TENT4B: variants seen among roughly 807,000 people sequenced by gnomAD.
TENT4B encodes terminal nucleotidyltransferase 4B.
TENT4B carries 10 observed loss-of-function variants against 75.0 expected under a neutral mutation model. The ratio of observed to expected loss-of-function variants is 0.13; its 90% CI spans 0.08 to 0.23. The LOEUF (loss-of-function observed/expected upper bound fraction) is 0.23. Among genes scored for constraint, TENT4B ranks in the 10% least tolerant of loss-of-function variants. The probability of loss-of-function intolerance (pLI) is 1.00; values close to 1 mark genes in which losing one functional copy is unlikely to be tolerated. For synonymous variants in TENT4B, 350 were observed against 357.7 expected (o/e 0.98, Z 0.24); for missense variants, 579 against 893.8 (o/e 0.65, Z 4.49).
chr16:50,159,097 T>A (rs146745345), intron 1 of TENT4B, among the ~76,000 whole-genome samples: 13 of 152,290 alleles, frequency 8.5e-5, no homozygotes, highest in South Asian at 4.1e-4. Flanking sequence ...AGTATCCTCT[T>A]GTATGTGCCA....
rs2032328250 is a variant in TENT4B, at chr16:50,232,542, AT to A, written c.*3215del. The A allele has an allele frequency of 1.0e-6, 1 of 985,036 alleles. No individual in the cohort carries two copies. Among genetic ancestry groups the A allele is most frequent in the Admixed American group, 6.2e-5 (1 of 16,242 alleles). 61.0% of individuals were successfully genotyped at this position (985,036 alleles called of 1,614,324 possible). On this transcript the variant is annotated 3_prime_UTR_variant, in exon 12 of 12. Coordinates refer to ENST00000561678, the MANE Select transcript of TENT4B (RefSeq NM_001365324.3). ...TTCTGCTCCTTCCCTCCCCCATGAA[AT>A]GGTAAGTGTGACTTGTGTTTGCCTG...
chr16:50,211,507 A>G (rs1037847862), intron 2 of TENT4B, 61 bp downstream of exon 2: 27 of 1,455,612 alleles, frequency 1.9e-5, no homozygotes, highest in Middle Eastern at 2.4e-4. Context: ...CTAGAAGCCT[A>G]TCTGCTGGTA....
Position 50,230,133 on chromosome 16 carries a change from A to T in TENT4B, c.*805A>T, listed in dbSNP as rs1206120468. 9.0e-5 allele frequency: 88 copies of T among 980,304 alleles called. No individual in the cohort carries two copies. The highest frequency in any genetic ancestry group is 1.0e-4 in the Non-Finnish European group (85 of 825,550). 60.7% of individuals were successfully genotyped at this position (980,304 alleles called of 1,614,324 possible). ...TATTTTATTTTGTAAAAAAAAAAAA[A>T]TGTACTATGTACTTTTGTGTAAACA... On this transcript the variant is annotated 3_prime_UTR_variant, in exon 12 of 12. Transcript: ENST00000561678.
intron 11 of TENT4B, among the ~76,000 whole-genome samples, 162 bp downstream of exon 11, chr16:50,228,165 C>G (rs988298709): frequency 3.9e-5 from 6 of 152,188 alleles, no homozygotes; most frequent in African/African-American, 1.4e-4. Context: ...CTTCTAGGAA[C>G]AGGATGTCCT....
chr16:50,202,223 G>A (rs1399370810), intron 1 of TENT4B, among the ~76,000 whole-genome samples: 1 of 152,156 alleles, frequency 6.6e-6, no homozygotes, highest in Non-Finnish European at 1.5e-5. Flanking sequence ...TGAATGTAAG[G>A]TGCCCCTTTG....
At chr16:50,180,242 T>G (rs955619287) in intron 1 of TENT4B, among the ~76,000 whole-genome samples, 1 of 152,162 alleles carries the variant, frequency 6.6e-6, no homozygotes, top group Admixed American at 6.6e-5. Flanking sequence ...TAGCTGAGAT[T>G]ACAGGTGTGT....
intron 1 of TENT4B, among the ~76,000 whole-genome samples, chr16:50,154,464 C>G (rs549530584): frequency 6.6e-6 from 1 of 152,136 alleles, no homozygotes; most frequent in East Asian, 1.9e-4. Context: ...CCACACCCTC[C>G]GTCTCCTGTC....
Position 50,225,154 on chromosome 16 carries a change from C to CT in TENT4B, c.1670dup (p.Ser558IlefsTer2), listed in dbSNP as rs1396836651. 6.2e-7 allele frequency: 1 copy of CT among 1,613,110 alleles called. No homozygotes were observed. On this transcript the variant is annotated frameshift_variant, in exon 10 of 12. Coordinates refer to ENST00000561678, the MANE Select transcript of TENT4B (RefSeq NM_001365324.3). LOFTEE classifies it high-confidence loss of function. Reference sequence around the variant, plus strand: ...GCAGTTAGATAAATGTAATAATAATCTATCTGAAGAAAATGAAGCCCTTGG... The same window carrying CT: ...GCAGTTAGATAAATGTAATAATAATCTTATCTGAAGAAAATGAAGCCCTTGG...
In TENT4B at chr16:50,233,354, A is replaced by C. The variant is rs1457412554; in HGVS notation, c.*4026A>C. ...GAATAAGTGTTAAAGATCAAATTTTAATATGCTTCTCGATATTTAACATAG... is the reference window on the plus strand; with the variant it reads ...GAATAAGTGTTAAAGATCAAATTTTCATATGCTTCTCGATATTTAACATAG... On this transcript the variant is annotated 3_prime_UTR_variant, in exon 12 of 12. Transcript: ENST00000561678. 1.0e-6 allele frequency: 1 copy of C among 985,394 alleles called. No individual in the cohort carries two copies. Among genetic ancestry groups the C allele is most frequent in the African/African-American group, 1.7e-5 (1 of 57,372 alleles). 61.0% of individuals were successfully genotyped at this position (985,394 alleles called of 1,614,324 possible). A position where few individuals can be genotyped will look rare whatever the true frequency, so the allele number is the denominator to read the frequency against.
chr16:50,204,007 G>A (rs1275692723), intron 1 of TENT4B, among the ~76,000 whole-genome samples: 1 of 152,194 alleles, frequency 6.6e-6, no homozygotes, highest in Non-Finnish European at 1.5e-5. Context: ...GTGAGAAGGT[G>A]ATTCTTGAAA....
At chr16:50,219,947 C>A (rs2031747091) in intron 5 of TENT4B, among the ~76,000 whole-genome samples, 1 of 151,266 alleles carries the variant, frequency 6.6e-6, no homozygotes, top group Non-Finnish European at 1.5e-5. Flanking sequence ...GCCTGAGTAT[C>A]TGGGATCACA....
At chr16:50,159,766 A>G (rs1473922799) in intron 1 of TENT4B, among the ~76,000 whole-genome samples, 1 of 152,202 alleles carries the variant, frequency 6.6e-6, no homozygotes, top group Non-Finnish European at 1.5e-5. Flanking sequence ...GGGTACTGAC[A>G]TGCGCTTTTA....
chr16:50,211,426 G>A lies in TENT4B; in HGVS notation c.742G>A (p.Glu248Lys), dbSNP rs1358742698. Reference protein sequence around the residue: ...VVNRIESVIKELWPSADVQIF... With the variant: ...VVNRIESVIKKLWPSADVQIF... ...GAACAGGATCGAGAGTGTAATTAAG[G>A]AGCTCTGGCCCAGCGCTGACGTGAG... is the stretch of plus-strand genomic sequence containing the variant. Residue 248 changes from glutamate to lysine, a missense_variant, in exon 2 of 12, where the codon GAG (glutamate) becomes AAG (lysine). Coordinates refer to ENST00000561678, the MANE Select transcript of TENT4B (RefSeq NM_001365324.3). 6.2e-7 allele frequency: 1 copy of A among 1,603,320 alleles called. No individual in the cohort carries two copies. Among genetic ancestry groups the A allele is most frequent in the South Asian group, 1.1e-5 (1 of 88,966 alleles).
At position 50,230,417 on chromosome 16, in the gene TENT4B, T is replaced by C. The variant is rs2150754905; in HGVS notation, c.*1089T>C. ...AACCCTGTGTGCTGCGTGTGCCTGTTTCTCATCTCTTATTCTTTTTAAAAT... is the reference window on the plus strand; with the variant it reads ...AACCCTGTGTGCTGCGTGTGCCTGTCTCTCATCTCTTATTCTTTTTAAAAT... On this transcript the variant is annotated 3_prime_UTR_variant, in exon 12 of 12. Transcript: ENST00000561678. The C allele has an allele frequency of 1.0e-6, 1 of 985,846 alleles. No individual in the cohort carries two copies. The highest frequency in any genetic ancestry group is 1.2e-6 in the Non-Finnish European group (1 of 829,922). 61.1% of individuals were successfully genotyped at this position (985,846 alleles called of 1,614,324 possible). A position where few individuals can be genotyped will look rare whatever the true frequency, so the allele number is the denominator to read the frequency against.
At chr16:50,222,576 G>A in intron 6 of TENT4B, 142 bp downstream of exon 6, 1 of 845,792 alleles carries the variant, frequency 1.2e-6, no homozygotes, top group Non-Finnish European at 1.8e-6. Flanking sequence ...CCTTTAAACT[G>A]GGTACATTTT....
At chr16:50,185,590 T>C (rs1333901492) in intron 1 of TENT4B, among the ~76,000 whole-genome samples, 1 of 152,228 alleles carries the variant, frequency 6.6e-6, no homozygotes, top group Non-Finnish European at 1.5e-5. Flanking sequence ...TGTAAACCTT[T>C]GATTTTTAGT....
intron 1 of TENT4B, among the ~76,000 whole-genome samples, chr16:50,159,564 G>A (rs548029276): frequency 2.6e-5 from 4 of 152,178 alleles, no homozygotes; most frequent in African/African-American, 7.2e-5. Flanking sequence ...TCTACACAGT[G>A]TTACCAATGA....
At chr16:50,220,467 A>G (rs1017599490) in intron 5 of TENT4B, among the ~76,000 whole-genome samples, 8 of 151,970 alleles carry the variant, frequency 5.3e-5, no homozygotes, top group African/African-American at 1.9e-4. Flanking sequence ...GGCATGAACC[A>G]CCACACCTGA....
chr16:50,219,089 T>TGG (rs1288698836), intron 5 of TENT4B, among the ~76,000 whole-genome samples: 2 of 152,260 alleles, frequency 1.3e-5, no homozygotes, highest in African/African-American at 4.8e-5. Flanking sequence ...CGCACTATAT[T>TGG]GGGGGTGTGT....
Sources: allele counts gnomAD v4.1 joint callset (sites outside exome capture counted in the v4.1 genomes callset), GRCh38; gene constraint gnomAD v4.1.1; transcripts MANE v1.5; gene names NCBI Gene and HGNC (gene_info 2026-07-23, HGNC 2026-07-21).